Variants in ROBO1 observed in about 807,000 individuals in gnomAD.
ROBO1 encodes the protein roundabout homolog 1.
A neutral mutation model predicts 195.9 loss-of-function variants in ROBO1; 149 were observed. The ratio of observed to expected loss-of-function variants is 0.76; its 90% confidence interval spans 0.67 to 0.87. The LOEUF is 0.87. ROBO1 is among the 40% of genes least tolerant of loss of function. ROBO1 has a pLI of 0.00. For synonymous variants in ROBO1, 816 were observed against 733.2 expected (o/e 1.11, Z -1.82); for missense variants, 1,933 against 2,068.3 (o/e 0.93, Z 1.27).
At chr3:79,397,531 T>C (rs1296577582) in intron 2 of ROBO1, among the ~76,000 whole-genome samples, 1 of 152,102 alleles carries the variant, frequency 6.6e-6, no homozygotes, top group Non-Finnish European at 1.5e-5. Flanking sequence ...ACACAATCTA[T>C]TAGACAAAAG....
intron 2 of ROBO1, among the ~76,000 whole-genome samples, chr3:79,145,965 G>T (rs962641528): frequency 6.6e-6 from 1 of 151,684 alleles, no homozygotes; most frequent in African/African-American, 2.4e-5. Flanking sequence ...ATAATAGTTG[G>T]TGTGCTTGGC....
At chr3:79,478,475 T>C (rs1338934802) in intron 2 of ROBO1, among the ~76,000 whole-genome samples, 1 of 146,672 alleles carries the variant, frequency 6.8e-6, no homozygotes, top group Non-Finnish European at 1.5e-5. Flanking sequence ...GATTTCAACA[T>C]GTGCGGTCTG....
chr3:79,577,449 A>G (rs1046732264), intron 2 of ROBO1, among the ~76,000 whole-genome samples: 4 of 152,190 alleles, frequency 2.6e-5, no homozygotes, highest in Non-Finnish European at 2.9e-5. Context: ...CAAAATTGAT[A>G]TATTGGACTT....
intron 29 of ROBO1, among the ~76,000 whole-genome samples, chr3:78,600,916 G>A (rs892660581): frequency 3.9e-5 from 6 of 152,050 alleles, no homozygotes; most frequent in South Asian, 2.1e-4. Context: ...CAACCTCCAC[G>A]TCAATGTCCT....
At chr3:79,562,620 CAATTCATACTCAGTTTAATTA>C (rs1460209302) in intron 2 of ROBO1, among the ~76,000 whole-genome samples, 6 of 151,964 alleles carry the variant, frequency 3.9e-5, no homozygotes, top group Non-Finnish European at 8.8e-5. Flanking sequence ...TGAATATATT[CAATTCATACTCAGTTTAATTA>C]AATAATAAGG....
In ROBO1 at chr3:79,471,753, C is replaced by T. The variant is rs964723822; in HGVS notation, c.88+118071G>A. On this transcript the variant is annotated intron_variant, in intron 2 of 30. Coordinates refer to ENST00000464233, the MANE Select transcript of ROBO1 (RefSeq NM_002941.4). Reference sequence around the variant, plus strand: ...ATATACACCATGGAATACTATGCAGCCATAAAAAAGGATGAGTTCATGTCC... The same window carrying T: ...ATATACACCATGGAATACTATGCAGTCATAAAAAAGGATGAGTTCATGTCC... 1.2e-4 allele frequency among the ~76,000 whole-genome samples: 18 copies of T among 152,002 alleles called. No homozygotes were observed. The East Asian group carries it at 2.7e-3, about 23-fold the overall frequency.
chr3:79,191,327 A>G (rs552944949), intron 2 of ROBO1, among the ~76,000 whole-genome samples: 1 of 151,682 alleles, frequency 6.6e-6, no homozygotes, highest in South Asian at 2.1e-4. Context: ...AGTGAAGAAG[A>G]CATGAATAAC....
intron 2 of ROBO1, among the ~76,000 whole-genome samples, chr3:79,518,695 T>TA (rs1941061865): frequency 6.6e-6 from 1 of 151,892 alleles, no homozygotes; most frequent in Admixed American, 6.6e-5. Context: ...TTATTATTAT[T>TA]TTTAGATGGA....
chr3:78,712,207 T>C (rs2081777874), intron 8 of ROBO1, among the ~76,000 whole-genome samples: 1 of 152,112 alleles, frequency 6.6e-6, no homozygotes, highest in Admixed American at 6.5e-5. Flanking sequence ...CAAAATTAAA[T>C]ACTCATTGTA....
chr3:78,614,662 T>A lies in ROBO1; in HGVS notation c.4421A>T (p.Glu1474Val), dbSNP rs1481287645. 1 of 1,613,680 alleles carries A rather than the reference T, an allele frequency of 6.2e-7. No individual in the cohort carries two copies. Among genetic ancestry groups the A allele is most frequent in the East Asian group, 2.2e-5 (1 of 44,858 alleles). ...AATGGACTCACCATCTGTGTAGGTTTCTCTGCGCAGATGTCCTGGCTGGTG... is the reference window on the plus strand; with the variant it reads ...AATGGACTCACCATCTGTGTAGGTTACTCTGCGCAGATGTCCTGGCTGGTG... ...LKHQPGHLRR[E>V]TYTDDLPPPP... Residue 1474 changes from glutamate to valine, a missense_variant, in exon 28 of 31, where the codon GAA becomes GTA. Around this residue, in one of 3 missense-constraint regions of ROBO1, gnomAD observed 1,737 missense variants for 1,882.5 expected, o/e 0.92. Transcript: ENST00000464233.
chr3:79,718,382 C>G (rs1033065969), intron 1 of ROBO1, among the ~76,000 whole-genome samples: 1 of 151,866 alleles, frequency 6.6e-6, no homozygotes, highest in Non-Finnish European at 1.5e-5. Context: ...ATGTATCTAG[C>G]TTTATGACAT....
intron 3 of ROBO1, 30 bp downstream of exon 3, chr3:79,125,426 A>T (rs963670693): frequency 6.4e-7 from 1 of 1,572,402 alleles, no homozygotes; most frequent in African/African-American, 1.4e-5. Context: ...TTTCAGGAGG[A>T]AGTTAGTATT....
At chr3:79,019,318 G>A (rs2078044584) in intron 3 of ROBO1, 2 of 985,698 alleles carry the variant, frequency 2.0e-6, no homozygotes, top group African/African-American at 1.7e-5. Flanking sequence ...GGCAGCTCCC[G>A]GCTCTCCCCG....
At chr3:79,358,160 T>G (rs146096775) in intron 2 of ROBO1, among the ~76,000 whole-genome samples, 1 of 152,214 alleles carries the variant, frequency 6.6e-6, no homozygotes, top group Non-Finnish European at 1.5e-5. Flanking sequence ...TCTTTATCTA[T>G]AAAATGAAAT....
chr3:78,965,375 A>C (rs1262583528), intron 3 of ROBO1, among the ~76,000 whole-genome samples: 1 of 152,104 alleles, frequency 6.6e-6, no homozygotes, highest in Non-Finnish European at 1.5e-5. Context: ...TTTAGGACAA[A>C]TTCTGGAGGT....
intron 1 of ROBO1, among the ~76,000 whole-genome samples, chr3:79,735,260 G>A (rs1703330919): frequency 6.6e-6 from 1 of 152,070 alleles, no homozygotes; most frequent in South Asian, 2.1e-4. Context: ...CAAGCTAGAG[G>A]GCAATGACTT....
chr3:79,685,013 A>G (rs1486047064), intron 1 of ROBO1, among the ~76,000 whole-genome samples: 1 of 152,064 alleles, frequency 6.6e-6, no homozygotes, highest in Non-Finnish European at 1.5e-5. Context: ...CCTCCACCTA[A>G]CAGCCTTCCC....
chr3:79,068,464 C>T (rs1165785515), intron 3 of ROBO1, among the ~76,000 whole-genome samples: 1 of 151,752 alleles, frequency 6.6e-6, no homozygotes. Context: ...AAAGTATCTT[C>T]GATTTGTTTC....
intron 10 of ROBO1, among the ~76,000 whole-genome samples, chr3:78,682,329 TAAAACTG>T (rs2080936371): frequency 3.3e-5 from 5 of 151,524 alleles, no homozygotes; most frequent in Non-Finnish European, 7.4e-5. Flanking sequence ...TTGAAAGACA[TAAAACTG>T]TTTTTATGTG....
Sources: gnomAD v4.1 joint callset for allele counts (sites outside exome capture counted in the v4.1 genomes callset) on GRCh38, gnomAD v4.1.1 for gene constraint, gnomAD v4.1.1 regional missense constraint, MANE v1.5 for transcripts, NCBI Gene and HGNC (gene_info 2026-07-23, HGNC 2026-07-21) for gene names.